Variants in USH2A observed in about 807,000 individuals in gnomAD.
USH2A encodes the protein usherin.
In USH2A, 443 loss-of-function variants were observed where a neutral mutation model predicts 538.9. The ratio of observed to expected loss-of-function variants is 0.82; its 90% confidence interval spans 0.76 to 0.89. The LOEUF (loss-of-function observed/expected upper bound fraction) is 0.89. Among genes scored for constraint, USH2A ranks in the 40% least tolerant of loss-of-function variants. The probability of loss-of-function intolerance (pLI) is 0.00; values close to 1 mark genes in which losing one functional copy is unlikely to be tolerated. For synonymous variants in USH2A, 2,413 were observed against 2,273.5 expected (o/e 1.06, Z -1.75); for missense variants, 6,633 against 6,324.8 (o/e 1.05, Z -1.65).
chr1:216,412,289 C>CA (rs1424403512), intron 3 of USH2A, among the ~76,000 whole-genome samples: 1 of 151,782 alleles, frequency 6.6e-6, no homozygotes, highest in Non-Finnish European at 1.5e-5. Context: ...AAATCACATG[C>CA]AAAAAACGTA....
chr1:216,278,118 C>T (rs1264193059), intron 11 of USH2A, among the ~76,000 whole-genome samples: 3 of 152,122 alleles, frequency 2.0e-5, no homozygotes, highest in Non-Finnish European at 4.4e-5. Context: ...CTACCTAATG[C>T]TTCTGCTAGT....
At chr1:216,267,050 T>G (rs1176535634) in intron 11 of USH2A, among the ~76,000 whole-genome samples, 1 of 151,996 alleles carries the variant, frequency 6.6e-6, no homozygotes, top group African/African-American at 2.4e-5. Flanking sequence ...ACCAAGGGCG[T>G]GAGCGTAGAT....
At chr1:216,408,575 T>C (rs1015879287) in intron 3 of USH2A, among the ~76,000 whole-genome samples, 6 of 152,222 alleles carry the variant, frequency 3.9e-5, no homozygotes, top group African/African-American at 1.4e-4. Flanking sequence ...GGACAGAAGA[T>C]ACATTCTTAC....
At chr1:216,109,012 C>T (rs930193949) in intron 21 of USH2A, among the ~76,000 whole-genome samples, 1 of 152,082 alleles carries the variant, frequency 6.6e-6, no homozygotes, top group African/African-American at 2.4e-5. Flanking sequence ...TTGTGTTTAG[C>T]TCAACCTTCA....
chr1:215,688,363 T>C (rs1241658846), intron 61 of USH2A, among the ~76,000 whole-genome samples: 1 of 151,586 alleles, frequency 6.6e-6, no homozygotes, highest in Non-Finnish European at 1.5e-5. Flanking sequence ...AGGTAAAGAG[T>C]TCAAGTCTGA....
At chr1:216,014,251 C>A (rs1288087546) in intron 32 of USH2A, among the ~76,000 whole-genome samples, 3 of 151,706 alleles carry the variant, frequency 2.0e-5, no homozygotes, top group Non-Finnish European at 4.4e-5. Flanking sequence ...AAGGAGTAGT[C>A]ATGTGTAAAA....
intron 66 of USH2A, 58 bp from the exon 67 acceptor site, chr1:215,647,788 T>C (rs1656909464): frequency 1.9e-6 from 3 of 1,583,570 alleles, no homozygotes; most frequent in African/African-American, 1.3e-5. Flanking sequence ...TTTAACTCTC[T>C]CTTTTAAAAC....
intron 49 of USH2A, among the ~76,000 whole-genome samples, chr1:215,800,376 ACATCTCTT>A (rs1420335644): frequency 6.6e-6 from 1 of 152,130 alleles, no homozygotes; most frequent in East Asian, 1.9e-4. Flanking sequence ...CCCCTGGACA[ACATCTCTT>A]CATTATATCT....
rs111033524 is a variant in USH2A, at chr1:216,198,494, C to G, written c.3902G>C (p.Gly1301Ala). ...SEESRVFQSSGWLSPHSFVES... is the reference protein window; with the variant it reads ...SEESRVFQSSAWLSPHSFVES... ...TACAAATGAATGAGGACTGAGCCAA[C>G]CACTGCTCTGAAAAACTCGACTTTC... Residue 1301 changes from glycine to alanine, a missense_variant, in exon 18 of 72, where the codon GGT becomes GCT. Coordinates refer to ENST00000307340, the MANE Select transcript of USH2A (RefSeq NM_206933.4). The G allele has an allele frequency of 6.2e-7, 1 of 1,614,010 alleles. No homozygotes were observed. The highest frequency in any genetic ancestry group is 8.5e-7 in the Non-Finnish European group (1 of 1,179,960).
chr1:216,347,192 A>G (rs562213297), intron 4 of USH2A, among the ~76,000 whole-genome samples: 1 of 152,272 alleles, frequency 6.6e-6, no homozygotes, highest in East Asian at 1.9e-4. Context: ...GGAATTAGCC[A>G]TATTCCCAAC....
At chr1:215,899,312 A>G (rs1025990871) in intron 40 of USH2A, among the ~76,000 whole-genome samples, 2 of 152,332 alleles carry the variant, frequency 1.3e-5, no homozygotes, top group Admixed American at 1.3e-4. Context: ...AGACTTCACA[A>G]GATTAACTCA....
chr1:215,900,198 C>A lies in USH2A; in HGVS notation c.7471G>T (p.Ala2491Ser), dbSNP rs781176946. The A allele has an allele frequency of 1.4e-5, 23 of 1,613,432 alleles. No homozygotes were observed. In the Admixed American group the frequency reaches 3.0e-4, roughly 21 times the overall value. ...TCACTCACTTCATAGCTTAACGATG[C>A]AGAAGGATTGGAAAATAACCTGTAT... ...GFLELFSNPS[A>S]SLSYEVSDLQ... The change falls in exon 40 of 72, where the codon GCA becomes TCA. Residue 2491 changes from alanine to serine, a missense_variant. By Grantham distance (99) the Ala-to-Ser change is moderately conservative. Coordinates refer to ENST00000307340, the MANE Select transcript of USH2A (RefSeq NM_206933.4).
Position 216,093,583 on chromosome 1 carries a change from A to C in USH2A, c.4758+3500T>G, listed in dbSNP as rs373304193. On this transcript the variant is annotated intron_variant, in intron 22 of 71. Coordinates refer to ENST00000307340, the MANE Select transcript of USH2A (RefSeq NM_206933.4). Reference sequence around the variant, plus strand: ...AGCAGTTTGACCCCTTTACCCTCCTATCCTACAGAGTCTTAAGGTATCGCA... The same window carrying C: ...AGCAGTTTGACCCCTTTACCCTCCTCTCCTACAGAGTCTTAAGGTATCGCA... 2.6e-5 allele frequency among the ~76,000 whole-genome samples: 4 copies of C among 152,272 alleles called. No individual in the cohort carries two copies. In the East Asian group the frequency reaches 7.7e-4, roughly 29 times the overall value.
chr1:216,156,298 T>TTTTTC (rs1553308649), intron 21 of USH2A, among the ~76,000 whole-genome samples: 2 of 21,782 alleles, frequency 9.2e-5, no homozygotes, highest in African/African-American at 2.3e-4. Flanking sequence ...TTTTTTTCTT[T>TTTTTC]TTTTTTTTTT....
chr1:215,970,587 A>G, intron 36 of USH2A, 38 bp downstream of exon 36: 1 of 1,613,000 alleles, frequency 6.2e-7, no homozygotes, highest in East Asian at 2.2e-5. Flanking sequence ...GTCATCTGAC[A>G]TTTAACACAT....
intron 60 of USH2A, among the ~76,000 whole-genome samples, chr1:215,731,147 T>C (rs905328918): frequency 6.6e-6 from 1 of 152,210 alleles, no homozygotes; most frequent in Admixed American, 6.5e-5. Context: ...AAGCCGACAT[T>C]CTTAACAAAA....
At chr1:216,243,597 G>C (rs1218266460) in intron 13 of USH2A, among the ~76,000 whole-genome samples, 1 of 152,126 alleles carries the variant, frequency 6.6e-6, no homozygotes, top group Non-Finnish European at 1.5e-5. Flanking sequence ...GCTCCACTCA[G>C]GTAACAGCTT....
intron 26 of USH2A, among the ~76,000 whole-genome samples, chr1:216,079,604 A>G (rs1346077574): frequency 6.6e-6 from 1 of 152,116 alleles, no homozygotes; most frequent in African/African-American, 2.4e-5. Context: ...GCCAGATTTT[A>G]AAGGACTTTC....
At position 215,962,936 on chromosome 1, in the gene USH2A, G is replaced by A. The variant is rs184350709; in HGVS notation, c.7120+2381C>T. 8.6e-3 allele frequency among the ~76,000 whole-genome samples: 1,306 copies of A among 152,124 alleles called. 13 individuals are homozygous for A. The highest frequency in any genetic ancestry group is 9.4e-3 in the Non-Finnish European group (637 of 67,984). Reference sequence around the variant, plus strand: ...GATACGAGTTGACATGAAGAATAGGGTTCCCATGAGGGTGTCTTACAGACA... The same window carrying A: ...GATACGAGTTGACATGAAGAATAGGATTCCCATGAGGGTGTCTTACAGACA... On this transcript the variant is annotated intron_variant, in intron 37 of 71. Transcript: ENST00000307340.
Sources: allele counts gnomAD v4.1 joint callset (sites outside exome capture counted in the v4.1 genomes callset), GRCh38; gene constraint gnomAD v4.1.1; transcripts MANE v1.5; gene names NCBI Gene and HGNC (gene_info 2026-07-23, HGNC 2026-07-21).